Variants in CRIM1 observed in about 807,000 individuals in gnomAD.
CRIM1 encodes the protein cysteine rich transmembrane BMP regulator 1.
A neutral mutation model predicts 116.4 loss-of-function variants in CRIM1; 32 were observed. The observed-to-expected ratio is 0.27, with a 90% confidence interval of 0.21 to 0.37. CRIM1 has a LOEUF of 0.37. Ranked by LOEUF, CRIM1 falls within the 10% of genes least tolerant of loss-of-function variation. The pLI is 1.00. For synonymous variants in CRIM1, 590 were observed against 509.2 expected (o/e 1.16, Z -2.13); for missense variants, 1,331 against 1,354.8 (o/e 0.98, Z 0.28).
intron 1 of CRIM1, among the ~76,000 whole-genome samples, chr2:36,382,197 C>T (rs1670832016): frequency 6.6e-6 from 1 of 152,234 alleles, no homozygotes; most frequent in Admixed American, 6.5e-5. Context: ...GAACCACTAG[C>T]AGATCATGCT....
At chr2:36,466,863 A>G (rs751267440) in intron 5 of CRIM1, among the ~76,000 whole-genome samples, 2 of 152,208 alleles carry the variant, frequency 1.3e-5, no homozygotes, top group Admixed American at 6.5e-5. Context: ...TATCATCTCT[A>G]GTAGAAAGAT....
chr2:36,358,769 T>TAA lies in CRIM1; in HGVS notation c.331+2156_331+2157dup, dbSNP rs3834157. Among the ~76,000 whole-genome samples, 14 of 148,336 alleles carry TAA rather than the reference T, an allele frequency of 9.4e-5. No individual in the cohort carries two copies. The East Asian group carries it at 1.2e-3, about 12-fold the overall frequency. On this transcript the variant is annotated intron_variant, in intron 1 of 16. Coordinates refer to ENST00000280527, the MANE Select transcript of CRIM1 (RefSeq NM_016441.3). Reference sequence around the variant, plus strand: ...TATTGTGTGTCCAGGGCACTTCCTTTAAAAAAAAAAATACTGAAAACAGCA... The same window carrying TAA: ...TATTGTGTGTCCAGGGCACTTCCTTTAAAAAAAAAAAAATACTGAAAACAGCA...
At chr2:36,409,510 C>A (rs1159462538) in intron 2 of CRIM1, among the ~76,000 whole-genome samples, 1 of 152,074 alleles carries the variant, frequency 6.6e-6, no homozygotes, top group Non-Finnish European at 1.5e-5. Context: ...TGGGGCTGGC[C>A]CATTGCATAG....
intron 2 of CRIM1, among the ~76,000 whole-genome samples, chr2:36,438,271 A>T (rs1675486906): frequency 1.3e-5 from 2 of 152,266 alleles, no homozygotes; most frequent in African/African-American, 4.8e-5. Context: ...AAAATGTAAT[A>T]GAATATGATA....
At chr2:36,517,765 A>C (rs947690306) in intron 12 of CRIM1, among the ~76,000 whole-genome samples, 3 of 152,194 alleles carry the variant, frequency 2.0e-5, no homozygotes, top group Non-Finnish European at 4.4e-5. Context: ...TGTGAAACAA[A>C]AAAGGAGACT....
intron 1 of CRIM1, among the ~76,000 whole-genome samples, chr2:36,394,204 GA>G (rs373572350): frequency 1.1e-4 from 16 of 152,280 alleles, no homozygotes; most frequent in African/African-American, 3.9e-4. Flanking sequence ...AACTGTGAAG[GA>G]AAGGAGGACA....
At chr2:36,518,335 T>C (rs1182818962) in intron 12 of CRIM1, among the ~76,000 whole-genome samples, 1 of 152,254 alleles carries the variant, frequency 6.6e-6, no homozygotes, top group Non-Finnish European at 1.5e-5. Flanking sequence ...ATATTTCAAC[T>C]TAAATCAATA....
In CRIM1 at chr2:36,546,845, A is replaced by G. The variant is rs556941486; in HGVS notation, c.2747-139A>G. ...ACTAAGAGCTCTTTGGATCAACATT[A>G]GATTTTAATCACATTTTTAGCCTCA... On this transcript the variant is annotated intron_variant, in intron 15 of 16. Transcript: ENST00000280527. The G allele has an allele frequency of 5.5e-5, 28 of 511,316 alleles. No individual in the cohort carries two copies. In the South Asian group the frequency reaches 6.3e-4, roughly 11 times the overall value. The allele number at this position is 511,316 out of a possible 1,614,324, so 31.7% of individuals were successfully genotyped here.
At position 36,499,420 on chromosome 2, in the gene CRIM1, A is replaced by G. The variant is rs76008222; in HGVS notation, c.1501+73A>G. 3,235 of 1,475,210 alleles carry G rather than the reference A, an allele frequency of 2.2e-3. 5 individuals carry two copies. The highest frequency in any genetic ancestry group is 2.9e-3 in the Non-Finnish European group (3,102 of 1,073,586). The allele number at this position is 1,475,210 out of a possible 1,614,324, so 91.4% of individuals were successfully genotyped here. On this transcript the variant is annotated intron_variant, in intron 8 of 16. Transcript: ENST00000280527. ...TTGTCAAAGCATATTATGTAATTGA[A>G]TATCTTTTTCACTTCTGTTCAGACA...
chr2:36,460,743 A>C (rs1321423678), intron 4 of CRIM1, among the ~76,000 whole-genome samples: 1 of 152,200 alleles, frequency 6.6e-6, no homozygotes, highest in Non-Finnish European at 1.5e-5. Context: ...CCACTTAAGA[A>C]ACATTTATAT....
chr2:36,446,324 G>C (rs1447242066), intron 4 of CRIM1, among the ~76,000 whole-genome samples: 1 of 152,132 alleles, frequency 6.6e-6, no homozygotes, highest in African/African-American at 2.4e-5. Flanking sequence ...CTCTGGAATT[G>C]TATGTTTTCA....
chr2:36,502,964 A>T (rs150211858), intron 8 of CRIM1, among the ~76,000 whole-genome samples: 1 of 152,320 alleles, frequency 6.6e-6, no homozygotes, highest in East Asian at 1.9e-4. Context: ...CATCTCGCTC[A>T]CTGCCCCACT....
At chr2:36,398,797 A>C (rs1384511518) in intron 2 of CRIM1, among the ~76,000 whole-genome samples, 1 of 152,224 alleles carries the variant, frequency 6.6e-6, no homozygotes, top group Non-Finnish European at 1.5e-5. Flanking sequence ...CTGAGAAGGA[A>C]TTTTGAAGGA....
chr2:36,517,282 A>G (rs1181046860), intron 11 of CRIM1, 45 bp from the exon 12 acceptor site: 2 of 1,513,750 alleles, frequency 1.3e-6, no homozygotes, highest in Middle Eastern at 1.7e-4. Context: ...AGAGTTGGAA[A>G]GATTGCAGAT....
At chr2:36,535,200 GGAAGGAAGGATGGAGGGA>G in intron 13 of CRIM1, among the ~76,000 whole-genome samples, 1 of 147,428 alleles carries the variant, frequency 6.8e-6, no homozygotes, top group Non-Finnish European at 1.5e-5. Context: ...TAAAAAGGAG[GGAAGGAAGGATGGAGGGA>G]GAAGGAAGGA....
At chr2:36,522,506 GAATA>G (rs1013838137) in intron 13 of CRIM1, among the ~76,000 whole-genome samples, 193 bp downstream of exon 13, 14 of 152,266 alleles carry the variant, frequency 9.2e-5, no homozygotes, top group Admixed American at 8.5e-4. Flanking sequence ...GGTGCTGTAA[GAATA>G]AATAAATGAG....
chr2:36,390,653 T>A (rs1671504757), intron 1 of CRIM1, among the ~76,000 whole-genome samples: 1 of 152,034 alleles, frequency 6.6e-6, no homozygotes, highest in Non-Finnish European at 1.5e-5. Flanking sequence ...CTGCTTGCAG[T>A]TTCCCCAGAT....
chr2:36,462,982 C>G (rs1403069372), intron 4 of CRIM1, among the ~76,000 whole-genome samples: 2 of 152,138 alleles, frequency 1.3e-5, no homozygotes, highest in Non-Finnish European at 2.9e-5. Flanking sequence ...ATTGAGAGCT[C>G]CAAGCTCTAC....
At chr2:36,471,766 T>C (rs1678541984) in intron 5 of CRIM1, among the ~76,000 whole-genome samples, 1 of 108,548 alleles carries the variant, frequency 9.2e-6, no homozygotes, top group South Asian at 4.0e-4. Context: ...CACACCATCT[T>C]ACAATGTTTT....
Sources: allele counts gnomAD v4.1 joint callset (sites outside exome capture counted in the v4.1 genomes callset), GRCh38; gene constraint gnomAD v4.1.1; transcripts MANE v1.5; gene names NCBI Gene and HGNC (gene_info 2026-07-23, HGNC 2026-07-21).